The following GPRC5D variants were observed in gnomAD, a reference collection of about 807,000 sequenced individuals.
The protein encoded by GPRC5D is G protein-coupled receptor class C group 5 member D.
In GPRC5D, 20 loss-of-function variants were observed where a neutral mutation model predicts 29.3. The observed-to-expected ratio is 0.68, with a 90% CI of 0.48 to 0.99. The LOEUF is 0.99. GPRC5D is among the 50% of genes least tolerant of loss of function. The pLI is 0.00. For synonymous variants in GPRC5D, 178 were observed against 171.3 expected (o/e 1.04, Z -0.30); for missense variants, 384 against 423.6 (o/e 0.91, Z 0.82).
chr12:12,950,470 C>G, upstream of GPRC5D: 1 of 919,028 alleles, frequency 1.1e-6, no homozygotes, highest in Non-Finnish European at 1.7e-6. Flanking sequence ...CTCTGCATCT[C>G]TTAGGTTGGT....
intron 1 of GPRC5D, chr12:12,947,262 C>T (rs1273233454): frequency 6.6e-6 from 1 of 152,210 alleles, no homozygotes; most frequent in East Asian, 1.9e-4. Context: ...CTACTATCAG[C>T]TCATGACCTA....
In GPRC5D at chr12:12,942,473, G is replaced by T. The variant is rs139251936; in HGVS notation, c.896-145C>A. On this transcript the variant is annotated intron_variant, in intron 1 of 2. Coordinates refer to ENST00000228887, the Ensembl canonical transcript of GPRC5D. ...TCTGAGGCTGGGCACGGTGGCTCAC[G>T]CCTGTAATCCCAGCACTTTGGGAGG... 4 of 616,060 alleles carry T rather than the reference G, an allele frequency of 6.5e-6. No homozygotes were observed. In the East Asian group the frequency reaches 1.1e-4, roughly 17 times the overall value. 38.2% of individuals were successfully genotyped at this position (616,060 alleles called of 1,614,324 possible). A position where few individuals can be genotyped will look rare whatever the true frequency, so the allele number is the denominator to read the frequency against.
intron 1 of GPRC5D, 120 bp from the exon 3 acceptor site, chr12:12,942,448 T>A (rs1462057729): frequency 2.9e-6 from 2 of 691,710 alleles, no homozygotes; most frequent in East Asian, 2.6e-5. Context: ...TAAAAGGAAT[T>A]CTGAGGCTGG....
intron 1 of GPRC5D, 53 bp from the exon 3 acceptor site, chr12:12,942,381 A>G (rs1013670974): frequency 8.9e-7 from 1 of 1,120,340 alleles, no homozygotes; most frequent in Admixed American, 1.7e-5. Flanking sequence ...TCAATCGGAA[A>G]CAGCACATGA....
intron 1 of GPRC5D, among the ~76,000 whole-genome samples, chr12:12,947,875 C>T (rs765580193): frequency 6.6e-6 from 1 of 152,158 alleles, no homozygotes; most frequent in Non-Finnish European, 1.5e-5. Flanking sequence ...ATGTTCTTTA[C>T]AACACTATTG....
At chr12:12,950,677 C>T (rs987602682), upstream of GPRC5D, among the ~76,000 whole-genome samples, 1 of 150,592 alleles carries the variant, frequency 6.6e-6, no homozygotes, top group African/African-American at 2.4e-5. Context: ...TGTGGTGGTG[C>T]ACACTTGTAA....
intron 1 of GPRC5D, among the ~76,000 whole-genome samples, chr12:12,944,905 C>CTTTCTTTCTTTCTTTCTT: frequency 8.1e-6 from 1 of 124,000 alleles, no homozygotes; most frequent in Non-Finnish European, 1.7e-5. Context: ...TTCTTTCTTT[C>CTTTCTTTCTTTCTTTCTT]TCTCCCTTTC....
chr12:12,940,766 C>T (rs377760797), downstream of GPRC5D: 23 of 1,565,666 alleles, frequency 1.5e-5, no homozygotes, highest in Non-Finnish European at 2.0e-5. Flanking sequence ...ACTTGTGTTT[C>T]CTGTAGATTT....
At chr12:12,949,347 T>G in intron 1 of GPRC5D, 143 bp downstream of exon 2, 1 of 677,780 alleles carries the variant, frequency 1.5e-6, no homozygotes, top group South Asian at 2.0e-5. Context: ...GAGTCTGCAT[T>G]TCTATGCTTG....
At chr12:12,950,940 A>G (rs1467433048), upstream of GPRC5D, among the ~76,000 whole-genome samples, 1 of 151,962 alleles carries the variant, frequency 6.6e-6, no homozygotes, top group Non-Finnish European at 1.5e-5. Flanking sequence ...CCCCATCTCT[A>G]CTAAAAACAC....
At position 12,947,425 on chromosome 12, in the gene GPRC5D, C is replaced by T. The variant is rs550229803; in HGVS notation, c.895+2065G>A. Among the ~76,000 whole-genome samples, 8 of 152,310 alleles carry T rather than the reference C, an allele frequency of 5.3e-5. No individual in the cohort carries two copies. In the East Asian group the frequency reaches 1.3e-3, roughly 26 times the overall value. On this transcript the variant is annotated intron_variant, in intron 1 of 2. Coordinates refer to ENST00000228887, the Ensembl canonical transcript of GPRC5D. ...CCTCTAAATTTTGATATTTGTACTT[C>T]TTCCAGATGACCTAAATTCTGATTT...
chr12:12,949,651 G>C, exon 1 of GPRC5D: 1 of 1,614,176 alleles, frequency 6.2e-7, no homozygotes, highest in East Asian at 2.2e-5. Context: ...GGTGACCAGA[G>C]CAATGCAGAC....
rs1299860267 is a variant in GPRC5D, at chr12:12,950,200, G to A, written c.185C>T (p.Thr62Ile). The A allele has an allele frequency of 2.5e-6, 4 of 1,613,760 alleles. No individual in the cohort carries two copies. Among genetic ancestry groups the A allele is most frequent in the African/African-American group, 2.7e-5 (2 of 74,924 alleles). The change falls in exon 1 of 3, where the codon ACC becomes ATC. Residue 62 changes from threonine (T) to isoleucine (I), a missense_variant. Thr to Ile is a moderately conservative substitution (Grantham distance 89). Coordinates refer to ENST00000228887, the Ensembl canonical transcript of GPRC5D. ...GACACTCAGGAGGAAGAGGAGCTGG[G>A]TGGGGAGGACATTCCACTGGCTGCA...
At chr12:12,941,953 A>G (rs1302737339) in intron 2 of GPRC5D, among the ~76,000 whole-genome samples, 1 of 152,212 alleles carries the variant, frequency 6.6e-6, no homozygotes, top group African/African-American at 2.4e-5. Context: ...AAAATTCGGT[A>G]AGCCTGCTGC....
upstream of GPRC5D, among the ~76,000 whole-genome samples, chr12:12,951,566 T>TC (rs1304768000): frequency 7.9e-5 from 12 of 152,238 alleles, no homozygotes; most frequent in Admixed American, 5.2e-4. Flanking sequence ...TGATAATATG[T>TC]CCATTTGTGT....
chr12:12,942,312 T>A (rs1466967485), exon 2 of GPRC5D: 4 of 1,612,292 alleles, frequency 2.5e-6, no homozygotes, highest in Non-Finnish European at 3.4e-6. Context: ...CCTCCTCAGC[T>A]CCATCACTGT....
rs756510677 is a variant in GPRC5D, at chr12:12,950,162, C to T, written c.223G>A (p.Gly75Arg). 2.8e-5 allele frequency: 45 copies of T among 1,613,854 alleles called. No individual in the cohort carries two copies. In the South Asian group the frequency reaches 3.3e-4, roughly 12 times the overall value. The stretch of plus-strand genomic sequence containing the variant: ...TCGATGATGAAGGCAAAAGCGAGTC[C>T]GAAGAGCCCCAGGACACTCAGGAGG... The change falls in exon 1 of 3, where the codon GGA becomes AGA. Residue 75 changes from glycine to arginine, a missense_variant. Transcript: ENST00000228887.
At chr12:12,949,790 A>C in exon 1 of GPRC5D, 1 of 1,614,224 alleles carries the variant, frequency 6.2e-7, no homozygotes, top group Non-Finnish European at 8.5e-7. Context: ...TGCTGCTTCC[A>C]GTTCTCACAC....
chr12:12,945,793 G>A (rs1405479135), intron 1 of GPRC5D, among the ~76,000 whole-genome samples: 1 of 152,046 alleles, frequency 6.6e-6, no homozygotes, highest in Non-Finnish European at 1.5e-5. Context: ...AATATGCTGA[G>A]CATGTTAAAT....
Sources: gnomAD v4.1 joint callset for allele counts (sites outside exome capture counted in the v4.1 genomes callset) on GRCh38, gnomAD v4.1.1 for gene constraint, MANE v1.5 for transcripts, NCBI Gene and HGNC (gene_info 2026-07-23, HGNC 2026-07-21) for gene names.